Variants in ACTR3C observed in about 807,000 individuals in gnomAD.
ACTR3C encodes actin-related protein 3C.
ACTR3C carries 18 observed loss-of-function variants against 26.3 expected under a neutral mutation model. That is an observed-to-expected ratio of 0.68 (90% CI 0.47 to 1.01). The LOEUF (loss-of-function observed/expected upper bound fraction) is 1.01, where lower values mean the gene tolerates loss of function less well. ACTR3C is among the 50% of genes least tolerant of loss of function. The pLI, the probability that ACTR3C is intolerant of heterozygous loss-of-function variation, is 0.00. For synonymous variants in ACTR3C, 55 were observed against 94.5 expected (o/e 0.58, Z 2.42); for missense variants, 184 against 250.7 (o/e 0.73, Z 1.80).
the ACTR3C span, among the ~76,000 whole-genome samples, chr7:150,192,394 G>A: frequency 6.6e-6 from 1 of 151,998 alleles, no homozygotes; most frequent in African/African-American, 2.4e-5. Flanking sequence ...GAACTCCTGG[G>A]CTCAAGAGAT....
the ACTR3C span, among the ~76,000 whole-genome samples, chr7:150,133,176 A>G: frequency 1.3e-5 from 2 of 152,180 alleles, no homozygotes; most frequent in Non-Finnish European, 2.9e-5. Context: ...ACAGGAAATC[A>G]GAGAGAGACA....
At chr7:150,036,233 G>A in the ACTR3C span, among the ~76,000 whole-genome samples, 2 of 146,792 alleles carry the variant, frequency 1.4e-5, no homozygotes, top group African/African-American at 2.5e-5. Flanking sequence ...CAAAATGGGG[G>A]GCCTTTATGT....
At chr7:150,008,054 C>A in the ACTR3C span, among the ~76,000 whole-genome samples, 1 of 152,038 alleles carries the variant, frequency 6.6e-6, no homozygotes, top group Non-Finnish European at 1.5e-5. Context: ...ACGTCTTAAA[C>A]GAAAGAAAAA....
chr7:150,036,628 C>T, the ACTR3C span, among the ~76,000 whole-genome samples: 4 of 143,128 alleles, frequency 2.8e-5, no homozygotes, highest in South Asian at 8.8e-4. Flanking sequence ...TACGAAACCC[C>T]ACAGCTCCTA....
At chr7:150,050,633 G>A in the ACTR3C span, among the ~76,000 whole-genome samples, 1 of 152,242 alleles carries the variant, frequency 6.6e-6, no homozygotes, top group Admixed American at 6.5e-5. Flanking sequence ...AAGAGCGAGC[G>A]TCTGAAAGAT....
At chr7:150,030,409 C>T in the ACTR3C span, among the ~76,000 whole-genome samples, 9,541 of 151,424 alleles carry the variant, frequency 0.063, 957 homozygotes, top group African/African-American at 0.22. Context: ...TTTCTGTCAC[C>T]AGAGAGTGCT....
chr7:150,103,845 G>GAAACCC, the ACTR3C span, among the ~76,000 whole-genome samples: 1 of 151,880 alleles, frequency 6.6e-6, no homozygotes. Context: ...CCATTTCTTT[G>GAAACCC]AAACCCAACC....
At chr7:150,204,813 AGAG>A in the ACTR3C span, among the ~76,000 whole-genome samples, 1 of 152,028 alleles carries the variant, frequency 6.6e-6, no homozygotes, top group Non-Finnish European at 1.5e-5. Context: ...CAGCGAGTGC[AGAG>A]GAGGAGCGAG....
the ACTR3C span, among the ~76,000 whole-genome samples, chr7:150,147,611 A>T: frequency 9.6e-4 from 146 of 152,292 alleles, no homozygotes; most frequent in African/African-American, 3.2e-3. Flanking sequence ...AATAAACGAC[A>T]TTTATTTCTG....
the ACTR3C span, among the ~76,000 whole-genome samples, chr7:149,923,418 A>C: frequency 7.3e-4 from 111 of 152,318 alleles, no homozygotes; most frequent in African/African-American, 2.6e-3. Context: ...ACAAATATAT[A>C]TATATCTATA....
chr7:150,299,155 G>T (rs1202233452), intron 1 of ACTR3C, among the ~76,000 whole-genome samples: 1 of 151,482 alleles, frequency 6.6e-6, no homozygotes, highest in East Asian at 2.0e-4. Context: ...GTTAAGTTTT[G>T]TATTTTTAGT....
the ACTR3C span, among the ~76,000 whole-genome samples, chr7:149,908,928 C>T: frequency 6.6e-6 from 1 of 152,040 alleles, no homozygotes; most frequent in Admixed American, 6.6e-5. Flanking sequence ...ATTACAGGCA[C>T]GCACCACCAC....
chr7:150,240,712 C>T (rs1242062355), downstream of ACTR3C, among the ~76,000 whole-genome samples: 1 of 152,074 alleles, frequency 6.6e-6, no homozygotes, highest in Non-Finnish European at 1.5e-5. Context: ...TGCTAGATGT[C>T]CTAGCCAGGA....
the ACTR3C span, among the ~76,000 whole-genome samples, chr7:150,084,630 G>A: frequency 6.6e-6 from 1 of 152,152 alleles, no homozygotes; most frequent in Non-Finnish European, 1.5e-5. Flanking sequence ...ATAGAACGCG[G>A]GCTGATATGG....
the ACTR3C span, among the ~76,000 whole-genome samples, chr7:150,042,397 C>T: frequency 1.1e-4 from 16 of 141,738 alleles, 1 homozygote; most frequent in Middle Eastern, 0.02. Context: ...GGAAGAGGGG[C>T]TCGCTCTCAG....
the ACTR3C span, among the ~76,000 whole-genome samples, chr7:149,929,506 G>A: frequency 8.3e-3 from 1,180 of 142,450 alleles, 23 homozygotes; most frequent in African/African-American, 0.029. Flanking sequence ...GAGTACTTAC[G>A]TAAAATATTT....
At chr7:150,161,645 A>G in the ACTR3C span, among the ~76,000 whole-genome samples, 1 of 152,076 alleles carries the variant, frequency 6.6e-6, no homozygotes, top group Non-Finnish European at 1.5e-5. Context: ...ATACCATTTG[A>G]CCCAGCCATC....
At chr7:149,954,977 T>C in the ACTR3C span, among the ~76,000 whole-genome samples, 1,083 of 152,370 alleles carry the variant, frequency 7.1e-3, 13 homozygotes, top group African/African-American at 0.024. Context: ...TCAAATGTAT[T>C]TTTAACATAA....
At chr7:150,254,248 GA>G (rs1433319976) in intron 6 of ACTR3C, among the ~76,000 whole-genome samples, 1 of 152,060 alleles carries the variant, frequency 6.6e-6, no homozygotes, top group African/African-American at 2.4e-5. Flanking sequence ...GGGGTGTTTG[GA>G]ATGATGGCTT....
Sources: allele counts gnomAD v4.1 joint callset (sites outside exome capture counted in the v4.1 genomes callset), GRCh38; gene constraint gnomAD v4.1.1; transcripts MANE v1.5; gene names NCBI Gene and HGNC (gene_info 2026-07-23, HGNC 2026-07-21).